TDG: variants seen among roughly 807,000 people sequenced by gnomAD.
The protein encoded by TDG is thymine DNA glycosylase.
In TDG, 23 loss-of-function variants were observed where a neutral mutation model predicts 46.1. The observed-to-expected ratio is 0.50, with a 90% CI of 0.36 to 0.71. The LOEUF is 0.71. Among genes scored for constraint, TDG ranks in the 30% least tolerant of loss-of-function variants. The pLI is 0.00. For missense variants in TDG, 304 were observed against 486.7 expected (o/e 0.62, Z 3.53); for synonymous variants, 115 against 161.3 (o/e 0.71, Z 2.18).
intron 1 of TDG, among the ~76,000 whole-genome samples, chr12:103,974,034 A>T (rs138429685): frequency 7.4e-4 from 113 of 152,272 alleles, no homozygotes; most frequent in African/African-American, 2.5e-3. Flanking sequence ...AGATAGCTGG[A>T]AGTGGAAATG....
At chr12:103,975,109 G>A (rs1593510870) in intron 1 of TDG, among the ~76,000 whole-genome samples, 1 of 151,624 alleles carries the variant, frequency 6.6e-6, no homozygotes. Flanking sequence ...GGCATTTGCT[G>A]TAACTTGAGT....
At chr12:103,983,610 ATGT>A (rs1270595632) in intron 7 of TDG, among the ~76,000 whole-genome samples, 1 of 152,222 alleles carries the variant, frequency 6.6e-6, no homozygotes, top group Non-Finnish European at 1.5e-5. Flanking sequence ...AAATGTCTTG[ATGT>A]TGTTATTCAG....
At position 103,976,947 on chromosome 12, in the gene TDG, A is replaced by G. The variant is rs747047340; in HGVS notation, c.53A>G (p.Tyr18Cys). ...SYSLQQAQAF[Y>C]TFPFQQLMAE... ...TCCCTTCAGCAAGCTCAAGCTTTTT[A>G]TACGTTTCCATTTCAACAACTGATG... Residue 18 changes from tyrosine (Y) to cysteine (C), a missense_variant, in exon 2 of 10, where the codon TAT becomes TGT. Tyr to Cys is a radical substitution (Grantham distance 194). Transcript: ENST00000392872. The G allele has an allele frequency of 6.8e-6, 11 of 1,613,906 alleles. No homozygotes were observed. Among genetic ancestry groups the G allele is most frequent in the African/African-American group, 4.0e-5 (3 of 74,936 alleles).
intron 1 of TDG, chr12:103,972,868 C>T: frequency 1.8e-6 from 1 of 555,538 alleles, no homozygotes; most frequent in Admixed American, 3.1e-5. Flanking sequence ...GATTAATGAC[C>T]TCCGACTATA....
intron 8 of TDG, 109 bp from the exon 9 acceptor site, chr12:103,985,494 C>CA (rs1371890194): frequency 1.7e-5 from 21 of 1,223,766 alleles, no homozygotes; most frequent in Non-Finnish European, 2.3e-5. Context: ...AGATGTATCT[C>CA]AGTGTATATG....
At chr12:103,967,843 T>G (rs112631146) in intron 1 of TDG, 1 of 132,422 alleles carries the variant, frequency 7.6e-6, no homozygotes, top group South Asian at 2.2e-4. Flanking sequence ...TTTTTTTTTT[T>G]TTTGAGACAG....
chr12:103,982,078 TA>T (rs1871868780), intron 4 of TDG, among the ~76,000 whole-genome samples: 1 of 152,200 alleles, frequency 6.6e-6, no homozygotes, highest in Non-Finnish European at 1.5e-5. Context: ...CTTCTCTATA[TA>T]AGTTGTCTTG....
At chr12:103,966,573 T>G (rs954261713) in intron 1 of TDG, among the ~76,000 whole-genome samples, 1 of 152,168 alleles carries the variant, frequency 6.6e-6, no homozygotes, top group Admixed American at 6.5e-5. Flanking sequence ...GTATACACTC[T>G]CGAGTAGTCA....
chr12:103,971,176 C>T (rs1871269551), intron 1 of TDG, among the ~76,000 whole-genome samples: 1 of 152,102 alleles, frequency 6.6e-6, no homozygotes. Flanking sequence ...CCCATGTATG[C>T]AAAACTAGGT....
In TDG at chr12:103,983,337, T is replaced by C. The variant is rs1221342943; in HGVS notation, c.740T>C (p.Val247Ala). ...AGTAAAGAAGTTTTTGGAGTAAAGG[T>C]TAAGAACTTGGAATTTGGGCTTCAG... ...IFSKEVFGVKVKNLEFGLQPH... is the reference protein window; with the variant it reads ...IFSKEVFGVKAKNLEFGLQPH... Residue 247 changes from valine (V) to alanine (A), a missense_variant, in exon 7 of 10, where the codon GTT becomes GCT. Transcript: ENST00000392872. 3 of 1,598,682 alleles carry C rather than the reference T, an allele frequency of 1.9e-6. No individual in the cohort carries two copies. Among genetic ancestry groups the C allele is most frequent in the Non-Finnish European group, 2.6e-6 (3 of 1,175,520 alleles).
intron 1 of TDG, among the ~76,000 whole-genome samples, chr12:103,974,882 G>A (rs1871452903): frequency 6.6e-6 from 1 of 151,474 alleles, no homozygotes; most frequent in Admixed American, 6.6e-5. Flanking sequence ...GGCTGAGGCA[G>A]GAGAATGGCG....
At chr12:103,974,503 A>G (rs990579580) in intron 1 of TDG, among the ~76,000 whole-genome samples, 2 of 152,074 alleles carry the variant, frequency 1.3e-5, no homozygotes, top group African/African-American at 4.8e-5. Flanking sequence ...CCACTCTTGA[A>G]TTCCTGGCCT....
Position 103,983,170 on chromosome 12 carries a change from C to T in TDG, c.649C>T (p.Gln217Ter). The change falls in exon 6 of 10, where the codon CAG becomes TAG. Residue 217 changes from glutamine to a stop codon, truncating the protein, a stop_gained. Coordinates refer to ENST00000392872, the MANE Select transcript of TDG (RefSeq NM_003211.6). LOFTEE classifies it high-confidence loss of function. ...TCGTGAAGGAGGACGTATTCTAGTA[C>T]AGAAATTACAGAAATATCAGCCACG... ...EFREGGRILVQKLQKYQPRIA... is the reference protein window; with the variant it reads ...EFREGGRILV The T allele has an allele frequency of 6.2e-7, 1 of 1,606,988 alleles. No homozygotes were observed. Among genetic ancestry groups the T allele is most frequent in the Non-Finnish European group, 8.5e-7 (1 of 1,177,784 alleles).
chr12:103,973,489 G>A (rs899501793), intron 1 of TDG, among the ~76,000 whole-genome samples: 3 of 152,086 alleles, frequency 2.0e-5, no homozygotes, highest in African/African-American at 4.8e-5. Flanking sequence ...GGAAGCTGCC[G>A]CTGACCACAG....
chr12:103,976,855 G>T, intron 1 of TDG, 63 bp from the exon 2 acceptor site: 1 of 1,593,196 alleles, frequency 6.3e-7, no homozygotes, highest in South Asian at 1.1e-5. Flanking sequence ...TTGTACAGCT[G>T]ATCATTTGGA....
chr12:103,972,219 A>G (rs772899178), intron 1 of TDG, among the ~76,000 whole-genome samples: 46 of 152,038 alleles, frequency 3.0e-4, no homozygotes, highest in Non-Finnish European at 5.1e-4. Flanking sequence ...CCCTAGTTCA[A>G]GCAATTCTCC....
At chr12:103,972,131 T>C (rs1762271108) in intron 1 of TDG, among the ~76,000 whole-genome samples, 1 of 152,136 alleles carries the variant, frequency 6.6e-6, no homozygotes, top group South Asian at 2.1e-4. Flanking sequence ...ACCCCCCTTT[T>C]TTTTTTAGAC....
At chr12:103,970,353 C>T (rs1871236812) in intron 1 of TDG, among the ~76,000 whole-genome samples, 1 of 152,076 alleles carries the variant, frequency 6.6e-6, no homozygotes, top group African/African-American at 2.4e-5. Context: ...ATGCATGTAC[C>T]TGTAGTCCCA....
intron 1 of TDG, 71 bp downstream of exon 1, chr12:103,966,131 G>GCGCA: frequency 9.9e-6 from 14 of 1,413,528 alleles, no homozygotes; most frequent in Non-Finnish European, 1.3e-5. Flanking sequence ...GCGCGCGCGC[G>GCGCA]CGCACGCAGG....
Sources: gnomAD v4.1 joint callset for allele counts (sites outside exome capture counted in the v4.1 genomes callset) on GRCh38, gnomAD v4.1.1 for gene constraint, MANE v1.5 for transcripts, NCBI Gene and HGNC (gene_info 2026-07-23, HGNC 2026-07-21) for gene names.